Variants in SPINK8 observed in about 807,000 individuals in gnomAD.
The protein encoded by SPINK8 is serine peptidase inhibitor Kazal type 8 (putative).
SPINK8 carries 12 observed loss-of-function variants against 14.4 expected under a neutral mutation model. The ratio of observed to expected loss-of-function variants is 0.83; its 90% CI spans 0.53 to 1.35. The LOEUF (loss-of-function observed/expected upper bound fraction) is 1.35. Among genes scored for constraint, SPINK8 ranks in the 40% most tolerant of loss-of-function variants. The pLI, the probability that SPINK8 is intolerant of heterozygous loss-of-function variation, is 0.00. For missense variants in SPINK8, 103 were observed against 117.0 expected, an observed-to-expected ratio of 0.88 and a Z score of 0.55; for synonymous variants, 32 against 37.6, an observed-to-expected ratio of 0.85 and a Z score of 0.55.
At chr3:48,330,505 C>A (rs565337602) in intron 2 of SPINK8, among the ~76,000 whole-genome samples, 1 of 152,166 alleles carries the variant, frequency 6.6e-6, no homozygotes, top group South Asian at 2.1e-4. Flanking sequence ...GGAGACAGAG[C>A]AAAACTGTCT....
intron 4 of SPINK8, among the ~76,000 whole-genome samples, chr3:48,322,213 T>A (rs1376601130): frequency 6.6e-6 from 1 of 152,190 alleles, no homozygotes; most frequent in Non-Finnish European, 1.5e-5. Context: ...TTCACAGTTA[T>A]GCCATCATCA....
intron 5 of SPINK8, among the ~76,000 whole-genome samples, chr3:48,320,784 C>T (rs1479071491): frequency 6.6e-6 from 1 of 152,156 alleles, no homozygotes; most frequent in Non-Finnish European, 1.5e-5. Flanking sequence ...TTTATTGGTG[C>T]AAAATACTTG....
chr3:48,322,754 ATCAGTACT>A lies in SPINK8; in HGVS notation c.68-1688_68-1681del, dbSNP rs377417282. ...ATGTTCTAACTATATTGTAGCTTGT[ATCAGTACT>A]TCATTCTTTTTTATAACTAAATAAT... On this transcript the variant is annotated intron_variant, in intron 4 of 7. Transcript: ENST00000434006. Among the ~76,000 whole-genome samples, 53 of 152,324 alleles carry A rather than the reference ATCAGTACT, an allele frequency of 3.5e-4. 1 individual carries two copies. Among genetic ancestry groups the A allele is most frequent in the Admixed American group, 1.6e-3 (25 of 15,300 alleles).
chr3:48,308,368 A>C (rs2035878467), intron 7 of SPINK8, among the ~76,000 whole-genome samples: 1 of 152,178 alleles, frequency 6.6e-6, no homozygotes, highest in Non-Finnish European at 1.5e-5. Flanking sequence ...ATTTCATCAG[A>C]GCCTTGGTAG....
intron 6 of SPINK8, among the ~76,000 whole-genome samples, chr3:48,315,720 CAAAAAAAAA>C (rs66504818): frequency 3.2e-4 from 7 of 21,940 alleles, no homozygotes; most frequent in African/African-American, 4.3e-4. Context: ...GACTCCATCT[CAAAAAAAAA>C]AAAAAAAAAA....
At chr3:48,317,004 C>T (rs562885450) in intron 6 of SPINK8, among the ~76,000 whole-genome samples, 2 of 152,218 alleles carry the variant, frequency 1.3e-5, no homozygotes, top group African/African-American at 2.4e-5. Context: ...AAATAAAGAG[C>T]CAGTTAAAGT....
intron 4 of SPINK8, among the ~76,000 whole-genome samples, chr3:48,324,769 T>A (rs1407812254): frequency 6.6e-6 from 1 of 152,198 alleles, no homozygotes; most frequent in East Asian, 1.9e-4. Flanking sequence ...TATTCTGATG[T>A]TGTTGGATGG....
rs1322813955 is a variant in SPINK8 at position 48,326,661 on chromosome 3, C to A, written c.67+1614G>T. 2.0e-5 allele frequency among the ~76,000 whole-genome samples: 3 copies of A among 151,542 alleles called. No homozygotes were observed. The East Asian group carries it at 5.8e-4, about 29-fold the overall frequency. On this transcript the variant is annotated intron_variant, in intron 4 of 7. Coordinates refer to ENST00000434006, the MANE Select transcript of SPINK8 (RefSeq NM_001080525.3). ...AGGTGGCTCATGCCTGTAATCTCAGCACTTTAGGAGGCCAAGCCGGATGGA... is the reference window on the plus strand; with the variant it reads ...AGGTGGCTCATGCCTGTAATCTCAGAACTTTAGGAGGCCAAGCCGGATGGA...
chr3:48,321,279 C>G (rs1184406907), intron 4 of SPINK8, among the ~76,000 whole-genome samples: 3 of 152,120 alleles, frequency 2.0e-5, no homozygotes, highest in African/African-American at 7.2e-5. Flanking sequence ...AAATGGAGTT[C>G]TTAATTCTAG....
At chr3:48,328,250 G>A (rs752987001) in intron 4 of SPINK8, 25 bp downstream of exon 4, 2 of 1,589,526 alleles carry the variant, frequency 1.3e-6, no homozygotes, top group South Asian at 1.1e-5. Context: ...AGAAAATGTG[G>A]GCAGAGCAAG....
chr3:48,316,138 A>G (rs1377420608), intron 6 of SPINK8, among the ~76,000 whole-genome samples: 2 of 152,260 alleles, frequency 1.3e-5, no homozygotes, highest in East Asian at 1.9e-4. Flanking sequence ...AAGGGCATCA[A>G]CATATACATA....
At chr3:48,309,849 T>A in intron 7 of SPINK8, 55 bp downstream of exon 7, 1 of 1,427,728 alleles carries the variant, frequency 7.0e-7, no homozygotes, top group Non-Finnish European at 9.2e-7. Flanking sequence ...AACAGTGAGC[T>A]CTTAACTTAT....
chr3:48,311,644 A>G (rs2035925547), intron 6 of SPINK8, among the ~76,000 whole-genome samples: 1 of 152,234 alleles, frequency 6.6e-6, no homozygotes, highest in Non-Finnish European at 1.5e-5. Flanking sequence ...AGTTTACAAC[A>G]GCATCCAAAA....
chr3:48,332,492 T>C (rs2036277726), intron 1 of SPINK8, among the ~76,000 whole-genome samples, 21 bp from the exon 2 acceptor site: 1 of 152,206 alleles, frequency 6.6e-6, no homozygotes, highest in Non-Finnish European at 1.5e-5. Flanking sequence ...GTGGGCATCA[T>C]TGAATAATTC....
In SPINK8 at chr3:48,328,284, A is replaced by T; in HGVS notation, c.58T>A (p.Phe20Ile). Reference protein sequence around the residue: ...LVLATSMWMAFAIDFPLPMAS... With the variant: ...LVLATSMWMAIAIDFPLPMAS... Reference sequence around the variant, plus strand: ...AGGACACATAACTCACCAATTGCAAAGGCCATCCACATGGAGGTAGCTAGA... The same window carrying T: ...AGGACACATAACTCACCAATTGCAATGGCCATCCACATGGAGGTAGCTAGA... Residue 20 changes from phenylalanine (F) to isoleucine (I), a missense_variant, in exon 4 of 8, where the codon TTT becomes ATT. Transcript: ENST00000434006. 6.2e-7 allele frequency: 1 copy of T among 1,610,162 alleles called. No homozygotes were observed. Among genetic ancestry groups the T allele is most frequent in the Non-Finnish European group, 8.5e-7 (1 of 1,178,214 alleles).
At chr3:48,325,562 C>G (rs2036127535) in intron 4 of SPINK8, among the ~76,000 whole-genome samples, 2 of 150,588 alleles carry the variant, frequency 1.3e-5, no homozygotes, top group African/African-American at 4.9e-5. Context: ...GTAGCTGGGA[C>G]TATAGGTCTG....
At chr3:48,315,006 C>T (rs763080503) in intron 6 of SPINK8, among the ~76,000 whole-genome samples, 1 of 152,150 alleles carries the variant, frequency 6.6e-6, no homozygotes, top group African/African-American at 2.4e-5. Context: ...TAGAGACATG[C>T]CTCAGTGCAC....
chr3:48,325,427 ATT>A (rs60106004), intron 4 of SPINK8, among the ~76,000 whole-genome samples: 56 of 140,164 alleles, frequency 4.0e-4, no homozygotes, highest in Non-Finnish European at 5.1e-4. Flanking sequence ...TAACGTTGTA[ATT>A]TTTTTTTTTT....
At chr3:48,307,235 G>A (rs1474311347) in intron 7 of SPINK8, among the ~76,000 whole-genome samples, 1 of 152,186 alleles carries the variant, frequency 6.6e-6, no homozygotes, top group East Asian at 1.9e-4. Context: ...GACTCCAGGA[G>A]AGCCTCTGGG....
Sources: gnomAD v4.1 joint callset for allele counts (sites outside exome capture counted in the v4.1 genomes callset) on GRCh38, gnomAD v4.1.1 for gene constraint, MANE v1.5 for transcripts, NCBI Gene and HGNC (gene_info 2026-07-23, HGNC 2026-07-21) for gene names.